The following PNLIPRP3 variants were observed in gnomAD, a reference collection of about 807,000 sequenced individuals.
The protein encoded by PNLIPRP3 is pancreatic lipase-related protein 3.
PNLIPRP3 carries 58 observed loss-of-function variants against 52.8 expected under a neutral mutation model. That is an observed-to-expected ratio of 1.10 (90% CI 0.89 to 1.37). The LOEUF is 1.37. PNLIPRP3 is among the 40% of genes most tolerant of loss of function. The pLI is 0.00. For synonymous variants in PNLIPRP3, 192 were observed against 185.0 expected, an observed-to-expected ratio of 1.04 and a Z score of -0.31; for missense variants, 593 against 561.6, an observed-to-expected ratio of 1.06 and a Z score of -0.57.
At chr10:116,430,556 G>A (rs991546935) in intron 1 of PNLIPRP3, among the ~76,000 whole-genome samples, 3 of 152,166 alleles carry the variant, frequency 2.0e-5, no homozygotes, top group Non-Finnish European at 4.4e-5. Context: ...AAGAACAGGA[G>A]AGAAGTTCAA....
intron 10 of PNLIPRP3, among the ~76,000 whole-genome samples, chr10:116,472,439 T>C (rs1281376718): frequency 6.6e-6 from 1 of 152,248 alleles, no homozygotes; most frequent in Non-Finnish European, 1.5e-5. Flanking sequence ...ATTATGTTCA[T>C]GTCCATTATT....
chr10:116,444,217 A>T (rs1845908249), intron 3 of PNLIPRP3, among the ~76,000 whole-genome samples, 165 bp from the exon 4 acceptor site: 1 of 152,096 alleles, frequency 6.6e-6, no homozygotes, highest in Non-Finnish European at 1.5e-5. Flanking sequence ...CGTGCAGATT[A>T]TGGGGATTAT....
chr10:116,474,630 G>C (rs919873012), intron 10 of PNLIPRP3, among the ~76,000 whole-genome samples: 1 of 152,074 alleles, frequency 6.6e-6, no homozygotes, highest in Admixed American at 6.6e-5. Flanking sequence ...ACATTACCAA[G>C]CGGGCAAAGG....
chr10:116,464,833 G>A (rs533972377), intron 7 of PNLIPRP3, among the ~76,000 whole-genome samples: 28 of 152,328 alleles, frequency 1.8e-4, no homozygotes, highest in Non-Finnish European at 3.7e-4. Context: ...GCGAATAGGG[G>A]TGTGTCTCAC....
chr10:116,453,752 C>T (rs1218013828), intron 4 of PNLIPRP3, among the ~76,000 whole-genome samples: 3 of 152,124 alleles, frequency 2.0e-5, no homozygotes, highest in African/African-American at 7.2e-5. Flanking sequence ...TGATTCTAAG[C>T]TCCCTGAGGC....
chr10:116,460,891 G>A (rs1846181409), intron 5 of PNLIPRP3, 75 bp from the exon 6 acceptor site: 1 of 1,550,386 alleles, frequency 6.5e-7, no homozygotes. Flanking sequence ...ATGTAGGAAA[G>A]GACACATGCT....
intron 4 of PNLIPRP3, among the ~76,000 whole-genome samples, chr10:116,452,845 G>C (rs1217638319): frequency 1.3e-5 from 2 of 152,238 alleles, no homozygotes; most frequent in African/African-American, 4.8e-5. Flanking sequence ...CTGCTGCAGG[G>C]GCAGAGCCCC....
intron 2 of PNLIPRP3, 76 bp from the exon 3 acceptor site, chr10:116,442,979 G>C: frequency 1.7e-6 from 2 of 1,189,816 alleles, no homozygotes; most frequent in Non-Finnish European, 2.2e-6. Flanking sequence ...CTTTCGAGCA[G>C]CTTTAGAATA....
At chr10:116,444,575 G>A in intron 4 of PNLIPRP3, 62 bp downstream of exon 4, 1 of 1,491,142 alleles carries the variant, frequency 6.7e-7, no homozygotes, top group Non-Finnish European at 9.3e-7. Flanking sequence ...ACACTCAGAA[G>A]TTGGGACAAT....
rs1846183728 is a variant in PNLIPRP3 at position 116,461,028 on chromosome 10, G to T, written c.628G>T (p.Asp210Tyr). 5.0e-6 allele frequency: 8 copies of T among 1,613,840 alleles called. No homozygotes were observed. The East Asian group carries it at 1.8e-4, about 36-fold the overall frequency. Residue 210 changes from aspartate (D) to tyrosine (Y), a missense_variant, in exon 6 of 12, where the codon GAT (aspartate) becomes TAT (tyrosine). Coordinates refer to ENST00000369230, the MANE Select transcript of PNLIPRP3 (RefSeq NM_001011709.3). ...TPKEVRLDPS[D>Y]ANFVDVIHTN... is the part of the protein sequence containing the mutation. ...AAAGGAAGTCAGGCTAGACCCCTCG[G>T]ATGCCAACTTTGTTGACGTTATTCA...
chr10:116,470,350 A>G (rs1041752638), intron 9 of PNLIPRP3, among the ~76,000 whole-genome samples: 1 of 152,064 alleles, frequency 6.6e-6, no homozygotes, highest in Non-Finnish European at 1.5e-5. Context: ...AGAATGTGCC[A>G]GATAAGAAGT....
Position 116,476,825 on chromosome 10 carries a change from T to C in PNLIPRP3, c.1340+6T>C. 1.9e-6 allele frequency: 3 copies of C among 1,573,796 alleles called. 1 individual carries two copies. The highest frequency in any genetic ancestry group is 2.4e-5 in the South Asian group (2 of 84,340). On this transcript the variant is annotated splice_donor_region_variant and intron_variant, in intron 11 of 11. Coordinates refer to ENST00000369230, the MANE Select transcript of PNLIPRP3 (RefSeq NM_001011709.3). ...TCTGGGAAATATGGATATAAGTAAG[T>C]ATTGCTTTTTCCTTTTCATTTTCGT... is the stretch of plus-strand genomic sequence containing the variant.
intron 8 of PNLIPRP3, among the ~76,000 whole-genome samples, chr10:116,467,413 A>C (rs1846297657): frequency 6.6e-6 from 1 of 152,140 alleles, no homozygotes; most frequent in South Asian, 2.1e-4. Context: ...AAAAATAAAT[A>C]AATAAATAAA....
At chr10:116,452,670 A>C (rs1282047086) in intron 4 of PNLIPRP3, among the ~76,000 whole-genome samples, 1 of 152,212 alleles carries the variant, frequency 6.6e-6, no homozygotes. Context: ...AGGGCCCCAG[A>C]TACAGCTTAG....
intron 2 of PNLIPRP3, among the ~76,000 whole-genome samples, chr10:116,441,159 C>T (rs1205578631): frequency 6.6e-6 from 1 of 152,044 alleles, no homozygotes; most frequent in Non-Finnish European, 1.5e-5. Flanking sequence ...GAGGGTTGTG[C>T]CAGAGTGAAT....
chr10:116,433,962 T>C (rs12262608), intron 1 of PNLIPRP3, among the ~76,000 whole-genome samples: 11,227 of 152,272 alleles, frequency 0.074, 1,444 homozygotes, highest in African/African-American at 0.26. Context: ...CACTTAGTGA[T>C]AGAGTGACCG....
chr10:116,471,301 A>G (rs913902326), intron 9 of PNLIPRP3, among the ~76,000 whole-genome samples: 2 of 152,198 alleles, frequency 1.3e-5, no homozygotes, highest in Non-Finnish European at 2.9e-5. Flanking sequence ...GAGAAGAAGA[A>G]TGACTCACTT....
chr10:116,467,918 G>A (rs2133152886), intron 8 of PNLIPRP3, among the ~76,000 whole-genome samples: 1 of 152,050 alleles, frequency 6.6e-6, no homozygotes, highest in Admixed American at 6.5e-5. Context: ...TAGGTCAGGA[G>A]ATCGAGACCA....
intron 1 of PNLIPRP3, among the ~76,000 whole-genome samples, chr10:116,431,453 G>GTT (rs137983090): frequency 4.0e-5 from 6 of 151,802 alleles, no homozygotes; most frequent in Admixed American, 2.0e-4. Context: ...AAATGTTAGG[G>GTT]TTTTTTTTAT....
Sources: allele counts gnomAD v4.1 joint callset (sites outside exome capture counted in the v4.1 genomes callset), GRCh38; gene constraint gnomAD v4.1.1; transcripts MANE v1.5; gene names NCBI Gene and HGNC (gene_info 2026-07-23, HGNC 2026-07-21).